GNPNAT1: variants seen among roughly 807,000 people sequenced by gnomAD.
GNPNAT1 encodes glucosamine-phosphate N-acetyltransferase 1.
GNPNAT1 carries 11 observed loss-of-function variants against 19.8 expected under a neutral mutation model. The ratio of observed to expected loss-of-function variants is 0.56; its 90% CI spans 0.35 to 0.92. GNPNAT1 has a LOEUF of 0.92. Ranked by LOEUF, GNPNAT1 falls within the 40% of genes least tolerant of loss-of-function variation. GNPNAT1 has a pLI of 0.01. For missense variants in GNPNAT1, 157 were observed against 211.0 expected, an observed-to-expected ratio of 0.74 and a Z score of 1.59; for synonymous variants, 71 against 72.3, an observed-to-expected ratio of 0.98 and a Z score of 0.09.
intron 5 of GNPNAT1, among the ~76,000 whole-genome samples, chr14:52,779,707 A>G (rs1882836397): frequency 6.8e-6 from 1 of 146,082 alleles, no homozygotes; most frequent in Non-Finnish European, 1.5e-5. Flanking sequence ...TGGGCAACAG[A>G]AAGAGATCCC....
At chr14:52,788,255 T>C (rs1883069620) in intron 1 of GNPNAT1, among the ~76,000 whole-genome samples, 1 of 151,972 alleles carries the variant, frequency 6.6e-6, no homozygotes, top group African/African-American at 2.4e-5. Flanking sequence ...CACATCAGCC[T>C]CCAGAGTAGT....
chr14:52,785,627 G>C (rs1424357330), intron 1 of GNPNAT1, among the ~76,000 whole-genome samples: 2 of 151,678 alleles, frequency 1.3e-5, no homozygotes, highest in Non-Finnish European at 2.9e-5. Flanking sequence ...GGAGGCTGAG[G>C]CAGGAGAATC....
rs1262724784 is a variant in GNPNAT1, at chr14:52,776,449, T to G, written c.*1862A>C. 1 of 152,228 alleles carries G rather than the reference T, an allele frequency of 6.6e-6. No individual in the cohort carries two copies. Among genetic ancestry groups the G allele is most frequent in the African/African-American group, 2.4e-5 (1 of 41,454 alleles). 9.4% of individuals were successfully genotyped at this position (152,228 alleles called of 1,614,324 possible). A position where few individuals can be genotyped will look rare whatever the true frequency, so the allele number is the denominator to read the frequency against. Reference sequence around the variant, plus strand: ...GATTTAAGAGATATCTTAGGAACACTATTTAAAGGGATTTACTGAAGTGCC... The same window carrying G: ...GATTTAAGAGATATCTTAGGAACACGATTTAAAGGGATTTACTGAAGTGCC... On this transcript the variant is annotated 3_prime_UTR_variant, in exon 6 of 6. Coordinates refer to ENST00000216410, the MANE Select transcript of GNPNAT1 (RefSeq NM_198066.4).
intron 3 of GNPNAT1, 114 bp from the exon 4 acceptor site, chr14:52,782,025 T>C (rs1882905496): frequency 3.4e-6 from 3 of 890,724 alleles, no homozygotes; most frequent in Admixed American, 3.7e-5. Flanking sequence ...TGTTTTACCA[T>C]AGTAATTTAC....
At chr14:52,786,560 C>T (rs1883023959) in intron 1 of GNPNAT1, among the ~76,000 whole-genome samples, 1 of 152,050 alleles carries the variant, frequency 6.6e-6, no homozygotes, top group Non-Finnish European at 1.5e-5. Context: ...ATCTAAGCAG[C>T]TTAAAAATAG....
intron 3 of GNPNAT1, 54 bp downstream of exon 3, chr14:52,783,369 A>AAAAATGAAATCTAAGAT: frequency 8.0e-7 from 1 of 1,246,322 alleles, no homozygotes; most frequent in Admixed American, 2.0e-5. Context: ...AGCTCTAAAC[A>AAAAATGAAATCTAAGAT]AAAATGAAAT....
chr14:52,786,914 C>T (rs940995434), intron 1 of GNPNAT1, among the ~76,000 whole-genome samples: 1 of 118,230 alleles, frequency 8.5e-6, no homozygotes, highest in Non-Finnish European at 1.6e-5. Flanking sequence ...TTTGCATATA[C>T]ATAATGAGAT....
Position 52,781,093 on chromosome 14 carries a change from G to A in GNPNAT1, c.346-353C>T, listed in dbSNP as rs75675287. On this transcript the variant is annotated intron_variant, in intron 4 of 5. Transcript: ENST00000216410. The stretch of plus-strand genomic sequence containing the variant: ...ATGTTTTTACTTATTAGAGGAAATA[G>A]TATGAGTCAAGTTGTGACCTAAACT... 3.2e-3 allele frequency among the ~76,000 whole-genome samples: 488 copies of A among 152,196 alleles called. 5 individuals are homozygous for A. Among genetic ancestry groups the A allele is most frequent in the African/African-American group, 0.011 (469 of 41,528 alleles).
At chr14:52,783,354 T>C in intron 3 of GNPNAT1, 69 bp downstream of exon 3, 1 of 999,418 alleles carries the variant, frequency 1.0e-6, no homozygotes, top group East Asian at 2.5e-5. Flanking sequence ...AAGTGGGCAC[T>C]GAACAGCTCT....
At position 52,784,064 on chromosome 14, in the gene GNPNAT1, A is replaced by G. The variant is rs557522411; in HGVS notation, c.154+433T>C. Among the ~76,000 whole-genome samples the G allele has an allele frequency of 3.3e-5, 5 of 152,328 alleles. No individual in the cohort carries two copies. In the East Asian group the frequency reaches 9.6e-4, roughly 29 times the overall value. On this transcript the variant is annotated intron_variant, in intron 2 of 5. Coordinates refer to ENST00000216410, the MANE Select transcript of GNPNAT1 (RefSeq NM_198066.4). ...AAAGAGATAATTGTGAAAAGGACAA[A>G]GTTGACTTTTAATTACCAAAGTTTA...
In GNPNAT1 at chr14:52,783,458, G is replaced by C. The variant is rs1882940477; in HGVS notation, c.182C>G (p.Thr61Arg). 4.3e-6 allele frequency: 7 copies of C among 1,610,592 alleles called. No homozygotes were observed. Among genetic ancestry groups the C allele is most frequent in the Non-Finnish European group, 5.9e-6 (7 of 1,177,252 alleles). The stretch of plus-strand genomic sequence containing the variant: ...TTCAGGGCTGACAACTCCAGTCTCT[G>C]TTAGCTGACCCAATACCTTAAAAAA... ...RGFFKVLGQL[T>R]ETGVVSPEQF... The change falls in exon 3 of 6, where the codon ACA becomes AGA. Residue 61 changes from threonine (T) to arginine (R), a missense_variant. Transcript: ENST00000216410.
chr14:52,781,495 T>C (rs1330378309), intron 4 of GNPNAT1, among the ~76,000 whole-genome samples: 1 of 152,126 alleles, frequency 6.6e-6, no homozygotes, highest in Non-Finnish European at 1.5e-5. Flanking sequence ...GCTAACGTGG[T>C]ATATTCAGAG....
intron 1 of GNPNAT1, among the ~76,000 whole-genome samples, chr14:52,786,952 T>C (rs1260793153): frequency 6.8e-6 from 1 of 146,502 alleles, no homozygotes; most frequent in Non-Finnish European, 1.5e-5. Context: ...CAAGTCAAAA[T>C]TCATTTGTGT....
At chr14:52,785,087 G>T (rs192549583) in intron 1 of GNPNAT1, among the ~76,000 whole-genome samples, 2 of 151,676 alleles carry the variant, frequency 1.3e-5, no homozygotes, top group Non-Finnish European at 2.9e-5. Context: ...CACCACGCCC[G>T]GCTAATTTTT....
At chr14:52,788,172 G>C (rs1025337952) in intron 1 of GNPNAT1, among the ~76,000 whole-genome samples, 1 of 152,060 alleles carries the variant, frequency 6.6e-6, no homozygotes, top group African/African-American at 2.4e-5. Context: ...CCAGGCTGGA[G>C]TGCAGTGGTG....
chr14:52,783,735 T>G (rs902894453), intron 2 of GNPNAT1, among the ~76,000 whole-genome samples: 2 of 152,156 alleles, frequency 1.3e-5, no homozygotes, highest in African/African-American at 2.4e-5. Flanking sequence ...ATCCAGTATT[T>G]ATAGACCCAG....
chr14:52,778,478 T>G lies in GNPNAT1; in HGVS notation c.408-20A>C. ...AATAACCTGAAATTTAAAAAGGGGG[T>G]AGGGTGAGGAGATAGCATTTATTAA... On this transcript the variant is annotated intron_variant, in intron 5 of 5. Coordinates refer to ENST00000216410, the MANE Select transcript of GNPNAT1 (RefSeq NM_198066.4). The G allele has an allele frequency of 1.3e-6, 2 of 1,591,922 alleles. No homozygotes were observed. The highest frequency in any genetic ancestry group is 1.7e-6 in the Non-Finnish European group (2 of 1,169,274).
rs1030444299 is a variant in GNPNAT1 at position 52,777,188 on chromosome 14, TG to T, written c.*1122del. 1 of 152,606 alleles carries T rather than the reference TG, an allele frequency of 6.6e-6. No individual in the cohort carries two copies. The highest frequency in any genetic ancestry group is 1.5e-5 in the Non-Finnish European group (1 of 68,042). 9.5% of individuals were successfully genotyped at this position (152,606 alleles called of 1,614,324 possible). ...AAGAGCACATTAAACTAAAATTTTA[TG>T]AATTATGACTTAATCTAATAGTTCA... On this transcript the variant is annotated 3_prime_UTR_variant, in exon 6 of 6. Transcript: ENST00000216410.
chr14:52,790,554 C>G (rs1883146919), intron 1 of GNPNAT1, among the ~76,000 whole-genome samples: 1 of 152,164 alleles, frequency 6.6e-6, no homozygotes, highest in South Asian at 2.1e-4. Context: ...AGCTGGAGCA[C>G]CTGGAACTCC....
Sources: gnomAD v4.1 joint callset for allele counts (sites outside exome capture counted in the v4.1 genomes callset) on GRCh38, gnomAD v4.1.1 for gene constraint, MANE v1.5 for transcripts, NCBI Gene and HGNC (gene_info 2026-07-23, HGNC 2026-07-21) for gene names.